RYR2: variants seen among roughly 807,000 people sequenced by gnomAD.
RYR2 encodes cardiac muscle ryanodine receptor-calcium release channel.
In RYR2, 227 loss-of-function variants were observed where a neutral mutation model predicts 601.1. The ratio of observed to expected loss-of-function variants is 0.38; its 90% CI spans 0.34 to 0.42. RYR2 has a LOEUF of 0.42. Ranked by LOEUF, RYR2 falls within the 10% of genes least tolerant of loss-of-function variation. The pLI is 1.00. For missense variants in RYR2, 4,646 were observed against 6,156.5 expected (o/e 0.75, Z 8.21); for synonymous variants, 2,223 against 2,175.1 (o/e 1.02, Z -0.61).
chr1:237,796,824 G>T (rs1659294912), intron 96 of RYR2, among the ~76,000 whole-genome samples: 1 of 151,720 alleles, frequency 6.6e-6, no homozygotes, highest in Non-Finnish European at 1.5e-5. Flanking sequence ...TCACTCTGTT[G>T]CCCAGGCTGG....
intron 3 of RYR2, among the ~76,000 whole-genome samples, chr1:237,337,865 A>G (rs921229619): frequency 6.6e-6 from 1 of 152,234 alleles, no homozygotes; most frequent in Non-Finnish European, 1.5e-5. Context: ...GTTACCGCTA[A>G]GTTGGTGGCT....
intron 96 of RYR2, 41 bp from the exon 97 acceptor site, chr1:237,797,996 A>T (rs779099374): frequency 6.4e-7 from 1 of 1,550,666 alleles, no homozygotes; most frequent in Admixed American, 1.9e-5. Flanking sequence ...GATGTTACTT[A>T]ATGGTTGAAG....
At chr1:237,104,940 C>T (rs572074026) in intron 1 of RYR2, among the ~76,000 whole-genome samples, 22 of 152,194 alleles carry the variant, frequency 1.4e-4, no homozygotes, top group Admixed American at 2.6e-4. Flanking sequence ...CCTTCTCCCT[C>T]GAGGTCTTCT....
intron 3 of RYR2, among the ~76,000 whole-genome samples, chr1:237,350,602 A>AAAATAT (rs1558665984): frequency 8.4e-4 from 31 of 36,992 alleles, no homozygotes; most frequent in Non-Finnish European, 1.4e-3. Flanking sequence ...AAAAAAAAAA[A>AAAATAT]ATATATATAT....
chr1:237,781,664 T>G lies in RYR2; in HGVS notation c.11962+18T>G. 4 of 1,324,540 alleles carry G rather than the reference T, an allele frequency of 3.0e-6. No individual in the cohort carries two copies. Among genetic ancestry groups the G allele is most frequent in the Non-Finnish European group, 4.3e-6 (4 of 936,526 alleles). 82.0% of individuals were successfully genotyped at this position (1,324,540 alleles called of 1,614,324 possible). On this transcript the variant is annotated intron_variant, in intron 89 of 104. Coordinates refer to ENST00000366574, the MANE Select transcript of RYR2 (RefSeq NM_001035.3). ...GTTAGAAGGTAGTTTTGATTTATACTTTTAAATTCTCTTTATTATCTTATT... is the reference window on the plus strand; with the variant it reads ...GTTAGAAGGTAGTTTTGATTTATACGTTTAAATTCTCTTTATTATCTTATT...
rs1042796506 is a variant in RYR2 at position 237,377,546 on chromosome 1, C to T, written c.576+111C>T. On this transcript the variant is annotated intron_variant, in intron 8 of 104. Transcript: ENST00000366574. ...ATTATCTATGAAAATTGCTTATAAC[C>T]ATTCCTCTATCTCTATTAGATTAAT... 4 of 746,086 alleles carry T rather than the reference C, an allele frequency of 5.4e-6. No individual in the cohort carries two copies. The Admixed American group carries it at 7.0e-5, about 13-fold the overall frequency. The allele number at this position is 746,086 out of a possible 1,614,324, so 46.2% of individuals were successfully genotyped here.
In RYR2 at chr1:237,643,561, T is replaced by C. The variant is rs575936362; in HGVS notation, c.7342+114T>C. On this transcript the variant is annotated intron_variant, in intron 48 of 104. Transcript: ENST00000366574. ...CTCTCCACTTCCTAAATTATGTGTA[T>C]ACTACTTAAATTAGTTTTTTTAAAA... is the stretch of plus-strand genomic sequence containing the variant. 5 of 1,104,870 alleles carry C rather than the reference T, an allele frequency of 4.5e-6. No homozygotes were observed. The Admixed American group carries it at 1.2e-4, about 26-fold the overall frequency. 68.4% of individuals were successfully genotyped at this position (1,104,870 alleles called of 1,614,324 possible). A position where few individuals can be genotyped will look rare whatever the true frequency, so the allele number is the denominator to read the frequency against.
intron 63 of RYR2, among the ~76,000 whole-genome samples, chr1:237,690,595 C>T (rs1295947540): frequency 6.6e-6 from 1 of 152,216 alleles, no homozygotes; most frequent in South Asian, 2.1e-4. Flanking sequence ...GGCACAGTGG[C>T]TCACGCCTGG....
In RYR2 at chr1:237,248,274, G is replaced by A. The variant is rs866427623; in HGVS notation, c.49-22223G>A. On this transcript the variant is annotated intron_variant, in intron 1 of 104. Coordinates refer to ENST00000366574, the MANE Select transcript of RYR2 (RefSeq NM_001035.3). ...ACAATAGAGCAAGACTCCACCCCCC[G>A]CAACCCCGCCCCCCCCCCCCCCCCC... is the stretch of plus-strand genomic sequence containing the variant. Among the ~76,000 whole-genome samples, 4 of 13,892 alleles carry A rather than the reference G, an allele frequency of 2.9e-4. 1 individual carries two copies. Among genetic ancestry groups the A allele is most frequent in the Non-Finnish European group, 5.3e-4 (4 of 7,576 alleles). The allele number at this position is 13,892 out of a possible 152,430, so 9.1% of individuals were successfully genotyped here. A position where few individuals can be genotyped will look rare whatever the true frequency, so the allele number is the denominator to read the frequency against.
chr1:237,542,413 C>T (rs1049022231), intron 25 of RYR2, among the ~76,000 whole-genome samples: 4 of 152,148 alleles, frequency 2.6e-5, no homozygotes, highest in Admixed American at 2.6e-4. Flanking sequence ...GAATATTTGA[C>T]GGTGAAATTG....
chr1:237,738,628 A>G (rs1691347356), intron 79 of RYR2, among the ~76,000 whole-genome samples: 1 of 152,030 alleles, frequency 6.6e-6, no homozygotes, highest in Non-Finnish European at 1.5e-5. Context: ...GGCTCTACTT[A>G]TTGAATTAAT....
chr1:237,538,394 CAAAAAAAAAAAAAAA>C (rs10551995), intron 25 of RYR2, among the ~76,000 whole-genome samples: 66 of 32,898 alleles, frequency 2.0e-3, no homozygotes, highest in African/African-American at 8.2e-3. Flanking sequence ...GACTCTGTCT[CAAAAAAAAAAAAAAA>C]AAAAAAAAAA....
chr1:237,628,975 C>G (rs987304254), intron 41 of RYR2, among the ~76,000 whole-genome samples: 1 of 151,758 alleles, frequency 6.6e-6, no homozygotes, highest in African/African-American at 2.4e-5. Context: ...AGTTAACACC[C>G]CATATTCAAG....
intron 79 of RYR2, among the ~76,000 whole-genome samples, chr1:237,737,060 CAGGTAGAAGCTCCTGGTTTGAGAAT>C (rs1691214587): frequency 1.3e-5 from 2 of 152,136 alleles, no homozygotes; most frequent in Non-Finnish European, 2.9e-5. Context: ...GTGGGCTGAA[CAGGTAGAAGCTCCTGGTTTGAGAAT>C]AGGTAGAAGC....
chr1:237,482,661 C>T (rs1449487422), intron 17 of RYR2, among the ~76,000 whole-genome samples: 4 of 152,258 alleles, frequency 2.6e-5, no homozygotes, highest in East Asian at 3.9e-4. Context: ...CTGCAACCAC[C>T]ATGGAGTGCA....
intron 16 of RYR2, among the ~76,000 whole-genome samples, chr1:237,466,430 G>A (rs963875607): frequency 1.3e-5 from 2 of 152,116 alleles, no homozygotes; most frequent in Non-Finnish European, 2.9e-5. Flanking sequence ...GGCTCCCAAA[G>A]TACTGGGATT....
chr1:237,176,237 T>G (rs1460713870), intron 1 of RYR2, among the ~76,000 whole-genome samples: 1 of 54,732 alleles, frequency 1.8e-5, no homozygotes, highest in East Asian at 4.8e-4. Flanking sequence ...ACTCTGTCTC[T>G]TAATGAAAAA....
chr1:237,692,172 C>A (rs1264510585), intron 63 of RYR2, among the ~76,000 whole-genome samples: 4 of 152,124 alleles, frequency 2.6e-5, no homozygotes, highest in African/African-American at 9.7e-5. Context: ...AAATCAAATG[C>A]CTTGATGATA....
At chr1:237,359,352 C>G (rs959298212) in intron 4 of RYR2, among the ~76,000 whole-genome samples, 1 of 152,080 alleles carries the variant, frequency 6.6e-6, no homozygotes, top group South Asian at 2.1e-4. Context: ...TTCACATTGT[C>G]GTACAGTTGA....
Sources: allele counts gnomAD v4.1 joint callset (sites outside exome capture counted in the v4.1 genomes callset), GRCh38; gene constraint gnomAD v4.1.1; transcripts MANE v1.5; gene names NCBI Gene and HGNC (gene_info 2026-07-23, HGNC 2026-07-21).